Variants in C9orf72 observed in about 807,000 individuals in gnomAD.
The protein encoded by C9orf72 is guanine nucleotide exchange factor C9orf72.
In C9orf72, 44 loss-of-function variants were observed where a neutral mutation model predicts 51.6. That is an observed-to-expected ratio of 0.85 (90% CI 0.67 to 1.10). C9orf72 has a LOEUF of 1.10. Among genes scored for constraint, C9orf72 ranks in the 50% least tolerant of loss-of-function variants. The pLI, the probability that C9orf72 is intolerant of heterozygous loss-of-function variation, is 0.00. For synonymous variants in C9orf72, 213 were observed against 194.2 expected (o/e 1.10, Z -0.81); for missense variants, 607 against 570.6 (o/e 1.06, Z -0.65).
intron 3 of C9orf72, among the ~76,000 whole-genome samples, chr9:27,565,165 T>C (rs77717188): frequency 2.6e-3 from 399 of 152,274 alleles, no homozygotes; most frequent in Middle Eastern, 0.014. Flanking sequence ...GGGGTACATA[T>C]GCTCTCCTTC....
chr9:27,555,221 A>T (rs1820985391), intron 8 of C9orf72, among the ~76,000 whole-genome samples: 1 of 152,230 alleles, frequency 6.6e-6, no homozygotes, highest in Non-Finnish European at 1.5e-5. Flanking sequence ...GGACCAATTC[A>T]TTTTCTAAAA....
intron 3 of C9orf72, among the ~76,000 whole-genome samples, chr9:27,565,242 T>C (rs975816813): frequency 6.6e-6 from 1 of 152,108 alleles, no homozygotes; most frequent in Non-Finnish European, 1.5e-5. Flanking sequence ...GAGACAATTT[T>C]TTTTATTTTT....
chr9:27,572,086 T>C (rs888895513), intron 1 of C9orf72, among the ~76,000 whole-genome samples: 1 of 152,242 alleles, frequency 6.6e-6, no homozygotes, highest in Non-Finnish European at 1.5e-5. Context: ...TGGTTTACTT[T>C]GTTTCTCTGA....
chr9:27,549,776 C>CAAA (rs35362390), intron 9 of C9orf72, among the ~76,000 whole-genome samples: 6 of 136,728 alleles, frequency 4.4e-5, no homozygotes, highest in Non-Finnish European at 4.7e-5. Flanking sequence ...CTCCCTTTCT[C>CAAA]AAAAAAAAAA....
intron 1 of C9orf72, among the ~76,000 whole-genome samples, chr9:27,572,590 C>A (rs112845384): frequency 6.6e-6 from 1 of 152,092 alleles, no homozygotes. Context: ...AACCAGGCAA[C>A]TACTCTCCCA....
intron 2 of C9orf72, 47 bp downstream of exon 2, chr9:27,566,630 T>C: frequency 7.5e-7 from 1 of 1,327,190 alleles, no homozygotes; most frequent in Non-Finnish European, 1.0e-6. Context: ...GAAAATAAGC[T>C]TTCAACAGAT....
At chr9:27,561,343 C>A in intron 5 of C9orf72, 6 of 1,262,658 alleles carry the variant, frequency 4.8e-6, no homozygotes, top group Admixed American at 4.4e-5. Context: ...AAGCAAGGGG[C>A]CATGATTTCT....
intron 1 of C9orf72, among the ~76,000 whole-genome samples, chr9:27,573,116 G>A (rs1436733337): frequency 6.6e-6 from 1 of 152,162 alleles, no homozygotes; most frequent in Non-Finnish European, 1.5e-5. Context: ...GCCCGCAGCG[G>A]CAGCGCTCCC....
chr9:27,567,540 C>G (rs1476269903), intron 1 of C9orf72, among the ~76,000 whole-genome samples: 1 of 152,084 alleles, frequency 6.6e-6, no homozygotes, highest in Non-Finnish European at 1.5e-5. Context: ...AGATTTGGCC[C>G]CTAACCCATA....
Position 27,560,317 on chromosome 9 carries a change from CAG to C in C9orf72, c.666-20_666-19del. 1 of 1,589,524 alleles carries C rather than the reference CAG, an allele frequency of 6.3e-7. No homozygotes were observed. The highest frequency in any genetic ancestry group is 8.6e-7 in the Non-Finnish European group (1 of 1,168,046). On this transcript the variant is annotated intron_variant, in intron 5 of 10. Coordinates refer to ENST00000380003, the MANE Select transcript of C9orf72 (RefSeq NM_018325.5). ...TGATGGCACTGTAAGTTAAAGAAAA[CAG>C]ATTAAAAACATTGCCTATAAAACAA...
In C9orf72 at chr9:27,565,481, C is replaced by T. The variant is rs777126136; in HGVS notation, c.504+50G>A. ...GACAAATGTAGCCATCAACCTTATA[C>T]AGATACATGCTGTGAGAAAAACATT... On this transcript the variant is annotated intron_variant, in intron 3 of 10. Coordinates refer to ENST00000380003, the MANE Select transcript of C9orf72 (RefSeq NM_018325.5). 12 of 1,234,368 alleles carry T rather than the reference C, an allele frequency of 9.7e-6. No homozygotes were observed. The South Asian group carries it at 1.5e-4, about 15-fold the overall frequency. 76.5% of individuals were successfully genotyped at this position (1,234,368 alleles called of 1,614,324 possible).
intron 3 of C9orf72, among the ~76,000 whole-genome samples, chr9:27,562,847 T>A (rs1211978771): frequency 6.6e-6 from 1 of 152,088 alleles, no homozygotes; most frequent in African/African-American, 2.4e-5. Context: ...ATTTTTGTAT[T>A]TTTAGTAGAG....
intron 1 of C9orf72, among the ~76,000 whole-genome samples, chr9:27,572,530 G>T (rs1406941630): frequency 6.6e-6 from 1 of 151,366 alleles, no homozygotes; most frequent in African/African-American, 2.4e-5. Flanking sequence ...CCCTTGTTGT[G>T]AACAACTGGT....
chr9:27,558,400 C>T (rs1485645954), intron 7 of C9orf72, 91 bp downstream of exon 7: 9 of 751,878 alleles, frequency 1.2e-5, no homozygotes, highest in Non-Finnish European at 2.1e-5. Flanking sequence ...ATATGAGATA[C>T]ATTAAATGCT....
At chr9:27,552,571 G>C (rs551271976) in intron 8 of C9orf72, among the ~76,000 whole-genome samples, 8 of 135,062 alleles carry the variant, frequency 5.9e-5, no homozygotes, top group Non-Finnish European at 1.2e-4. Context: ...GCCTAGGCTC[G>C]TCTTGAACTC....
At position 27,548,427 on chromosome 9, in the gene C9orf72, A is replaced by C. The variant is rs1820820645; in HGVS notation, c.1260-5T>G. 1 of 1,278,296 alleles carries C rather than the reference A, an allele frequency of 7.8e-7. No individual in the cohort carries two copies. The highest frequency in any genetic ancestry group is 1.5e-5 in the African/African-American group (1 of 65,140). The allele number at this position is 1,278,296 out of a possible 1,614,324, so 79.2% of individuals were successfully genotyped here. On this transcript the variant is annotated splice_region_variant and splice_polypyrimidine_tract_variant and intron_variant, in intron 10 of 10. Transcript: ENST00000380003. Reference sequence around the variant, plus strand: ...AAGGGCTTTTTTCCCTTCTGCCTAAAAATAATGGAAAAAAAAAAAAAAAAA... The same window carrying C: ...AAGGGCTTTTTTCCCTTCTGCCTAACAATAATGGAAAAAAAAAAAAAAAAA...
chr9:27,548,271 TA>T lies in C9orf72; in HGVS notation c.1410del (p.Ser471ValfsTer8), dbSNP rs765877989. ...ATTAGAACATCTCGTTCTTGCACAC[TA>T]GTGTAGAAAGGTCTTCCAAAGATAA... ...HSFIFGRPFYTSVQERDVLMT... is the reference protein window; with the variant it reads ...HSFIFGRPFYXSVQERDVLMT... On this transcript the variant is annotated frameshift_variant, in exon 11 of 11. Transcript: ENST00000380003. LOFTEE classifies it high-confidence loss of function. 1 of 1,610,948 alleles carries T rather than the reference TA, an allele frequency of 6.2e-7. No homozygotes were observed. The highest frequency in any genetic ancestry group is 1.1e-5 in the South Asian group (1 of 90,528).
rs1196060846 is a variant in C9orf72, at chr9:27,546,765, T to G, written c.*1471A>C. ...TACAAGGTAGTATTTATATATTTTTTAAATGACTGAGCTACAGTACAACAG... is the reference window on the plus strand; with the variant it reads ...TACAAGGTAGTATTTATATATTTTTGAAATGACTGAGCTACAGTACAACAG... On this transcript the variant is annotated 3_prime_UTR_variant, in exon 11 of 11. Transcript: ENST00000380003. The G allele has an allele frequency of 1.3e-5, 2 of 152,214 alleles. No individual in the cohort carries two copies. The highest frequency in any genetic ancestry group is 2.9e-5 in the Non-Finnish European group (2 of 68,030). 9.4% of individuals were successfully genotyped at this position (152,214 alleles called of 1,614,324 possible).
At chr9:27,549,689 A>C (rs1820866016) in intron 9 of C9orf72, among the ~76,000 whole-genome samples, 1 of 152,146 alleles carries the variant, frequency 6.6e-6, no homozygotes, top group African/African-American at 2.4e-5. Flanking sequence ...TAAAAGAATG[A>C]AACAATAAAG....
Sources: gnomAD v4.1 joint callset for allele counts (sites outside exome capture counted in the v4.1 genomes callset) on GRCh38, gnomAD v4.1.1 for gene constraint, MANE v1.5 for transcripts, NCBI Gene and HGNC (gene_info 2026-07-23, HGNC 2026-07-21) for gene names.